The following CUL2 variants were observed in gnomAD, a reference collection of about 807,000 sequenced individuals.
CUL2 encodes cullin 2, also known as cullin-2.
CUL2 carries 22 observed loss-of-function variants against 110.2 expected under a neutral mutation model. The observed-to-expected ratio is 0.20, with a 90% confidence interval of 0.14 to 0.28. CUL2 has a LOEUF of 0.28. Among genes scored for constraint, CUL2 ranks in the 10% least tolerant of loss-of-function variants. CUL2 has a pLI of 1.00. For missense variants in CUL2, 631 were observed against 905.5 expected, an observed-to-expected ratio of 0.70 and a Z score of 3.89; for synonymous variants, 279 against 293.2, an observed-to-expected ratio of 0.95 and a Z score of 0.49.
chr10:35,059,627 G>T (rs1225854643), intron 4 of CUL2, among the ~76,000 whole-genome samples: 1 of 152,176 alleles, frequency 6.6e-6, no homozygotes, highest in Non-Finnish European at 1.5e-5. Context: ...ACATGTGGTG[G>T]TCTGGAACTG....
chr10:35,053,109 GTGTT>G (rs1220331685), intron 5 of CUL2, among the ~76,000 whole-genome samples: 2 of 152,130 alleles, frequency 1.3e-5, no homozygotes, highest in East Asian at 3.8e-4. Context: ...GTGTGTGTGT[GTGTT>G]TATGTAAATA....
chr10:35,054,067 A>G (rs2086181647), intron 5 of CUL2, among the ~76,000 whole-genome samples: 1 of 152,220 alleles, frequency 6.6e-6, no homozygotes. Flanking sequence ...TAAAGTTACA[A>G]TAAATTTGTT....
upstream of CUL2, among the ~76,000 whole-genome samples, chr10:35,091,927 C>G (rs1428711430): frequency 1.3e-5 from 2 of 151,972 alleles, no homozygotes; most frequent in African/African-American, 2.4e-5. Flanking sequence ...CGTGTCAGGC[C>G]CCCCCTGCTT....
chr10:35,109,536 A>G (rs1030053821), intron 1 of CUL2, among the ~76,000 whole-genome samples: 2 of 152,250 alleles, frequency 1.3e-5, no homozygotes, highest in Non-Finnish European at 2.9e-5. Context: ...GAATAAAGTG[A>G]TGGGGGATAC....
At chr10:35,114,287 C>A (rs775077663) in intron 1 of CUL2, among the ~76,000 whole-genome samples, 1 of 151,754 alleles carries the variant, frequency 6.6e-6, no homozygotes, top group Non-Finnish European at 1.5e-5. Flanking sequence ...TAGTCTGGAA[C>A]TCCCGACCTC....
intron 18 of CUL2, among the ~76,000 whole-genome samples, chr10:35,014,571 G>A (rs1334620040): frequency 4.6e-5 from 7 of 152,070 alleles, no homozygotes; most frequent in East Asian, 1.9e-4. Flanking sequence ...GGTGGCTCAC[G>A]TCTGTAATCC....
chr10:35,076,385 T>C (rs2086818066), intron 1 of CUL2, among the ~76,000 whole-genome samples: 1 of 152,166 alleles, frequency 6.6e-6, no homozygotes, highest in African/African-American at 2.4e-5. Flanking sequence ...ATATTTCAAA[T>C]AGGTAAACTG....
In CUL2 at chr10:35,029,820, T is replaced by G. The variant is rs1304017903; in HGVS notation, c.1387-180A>C. On this transcript the variant is annotated intron_variant, in intron 14 of 20. Coordinates refer to ENST00000374749, the MANE Select transcript of CUL2 (RefSeq NM_003591.4). ...AGCAACTAATCAAAACCTTTCAAACTTTCTTTTTAAAGACGTATTTTAAAT... is the reference window on the plus strand; with the variant it reads ...AGCAACTAATCAAAACCTTTCAAACGTTCTTTTTAAAGACGTATTTTAAAT... 2.6e-5 allele frequency among the ~76,000 whole-genome samples: 4 copies of G among 152,224 alleles called. No individual in the cohort carries two copies. The East Asian group carries it at 7.7e-4, about 29-fold the overall frequency.
At chr10:35,061,212 G>A (rs538979554) in intron 3 of CUL2, among the ~76,000 whole-genome samples, 3 of 152,040 alleles carry the variant, frequency 2.0e-5, no homozygotes, top group East Asian at 3.9e-4. Context: ...AGTGGCTCAC[G>A]CCTGTAATTC....
chr10:35,051,067 G>C (rs986651958), intron 5 of CUL2, among the ~76,000 whole-genome samples: 2 of 152,214 alleles, frequency 1.3e-5, no homozygotes, highest in African/African-American at 4.8e-5. Context: ...TGTAATCCCA[G>C]CACTTTGGGA....
chr10:35,046,761 G>T (rs1018368862), intron 6 of CUL2, among the ~76,000 whole-genome samples: 2 of 151,996 alleles, frequency 1.3e-5, no homozygotes, highest in African/African-American at 4.8e-5. Context: ...GCATGGTGGC[G>T]CATGTCTATA....
chr10:35,057,462 C>A (rs1394085808), intron 4 of CUL2, among the ~76,000 whole-genome samples: 1 of 151,542 alleles, frequency 6.6e-6, no homozygotes, highest in Admixed American at 6.6e-5. Context: ...ACCAGTCTGG[C>A]CAACATGGTG....
chr10:35,043,741 T>C (rs1588989439), intron 8 of CUL2, among the ~76,000 whole-genome samples: 1 of 152,176 alleles, frequency 6.6e-6, no homozygotes, highest in East Asian at 1.9e-4. Context: ...ATTTAACATA[T>C]GATAACCAAT....
chr10:35,063,244 T>C (rs752594496), intron 2 of CUL2, among the ~76,000 whole-genome samples, 182 bp from the exon 3 acceptor site: 1 of 152,224 alleles, frequency 6.6e-6, no homozygotes, highest in Non-Finnish European at 1.5e-5. Context: ...TTATCTAAGA[T>C]TCATTCACTT....
At chr10:35,033,317 A>G (rs1360905506) in intron 10 of CUL2, 44 bp from the exon 11 acceptor site, 2 of 1,315,380 alleles carry the variant, frequency 1.5e-6, no homozygotes, top group Non-Finnish European at 2.2e-6. Context: ...TAAGAGGTTC[A>G]AGGATATCCA....
At chr10:35,118,426 G>T (rs1007993553) in intron 1 of CUL2, 1 of 151,852 alleles carries the variant, frequency 6.6e-6, no homozygotes, top group Non-Finnish European at 1.5e-5. Flanking sequence ...CTAATCTTCC[G>T]GTTCATGAGT....
intron 1 of CUL2, among the ~76,000 whole-genome samples, chr10:35,110,796 T>C (rs542625401): frequency 8.5e-5 from 13 of 152,244 alleles, no homozygotes; most frequent in Non-Finnish European, 1.9e-4. Flanking sequence ...ACACCAGTCA[T>C]ATGGGATTAA....
intron 5 of CUL2, among the ~76,000 whole-genome samples, chr10:35,050,494 A>G (rs2086075475): frequency 6.6e-6 from 1 of 152,208 alleles, no homozygotes; most frequent in Admixed American, 6.5e-5. Flanking sequence ...ACATAAAAAG[A>G]GCAAGTCGGT....
At chr10:35,118,951 T>C (rs2087640929) in intron 1 of CUL2, among the ~76,000 whole-genome samples, 1 of 152,234 alleles carries the variant, frequency 6.6e-6, no homozygotes, top group African/African-American at 2.4e-5. Flanking sequence ...AGGGAAAGAA[T>C]AGGGGGACAA....
Sources: allele counts gnomAD v4.1 joint callset (sites outside exome capture counted in the v4.1 genomes callset), GRCh38; gene constraint gnomAD v4.1.1; transcripts MANE v1.5; gene names NCBI Gene and HGNC (gene_info 2026-07-23, HGNC 2026-07-21).